NAV2: variants seen among roughly 807,000 people sequenced by gnomAD.
NAV2 encodes helicase, APC down-regulated 1.
Under a neutral mutation model 223.2 loss-of-function variants are expected in NAV2, and 54 were observed. That is an observed-to-expected ratio of 0.24 (90% confidence interval 0.19 to 0.30). The LOEUF is 0.30. Among genes scored for constraint, NAV2 ranks in the 10% least tolerant of loss-of-function variants. NAV2 has a pLI of 1.00. For synonymous variants in NAV2, 1,279 were observed against 1,239.3 expected (o/e 1.03, Z -0.67); for missense variants, 2,806 against 3,147.5 (o/e 0.89, Z 2.60).
At chr11:19,725,555 C>T (rs563414304) in intron 1 of NAV2, among the ~76,000 whole-genome samples, 9 of 152,214 alleles carry the variant, frequency 5.9e-5, no homozygotes, top group East Asian at 3.8e-4. Flanking sequence ...AAACTAGAGA[C>T]GGTCACCAGG....
At chr11:19,741,348 T>C (rs2052777112) in intron 1 of NAV2, among the ~76,000 whole-genome samples, 1 of 152,052 alleles carries the variant, frequency 6.6e-6, no homozygotes, top group East Asian at 1.9e-4. Context: ...TGCTGCACTT[T>C]AGATCTCTAG....
At chr11:19,557,583 G>A (rs181743753) in intron 1 of NAV2, among the ~76,000 whole-genome samples, 1 of 152,314 alleles carries the variant, frequency 6.6e-6, no homozygotes, top group East Asian at 1.9e-4. Flanking sequence ...GCTTAGGCAG[G>A]GACATTCTGT....
At chr11:19,542,052 T>G (rs1305213020) in intron 1 of NAV2, among the ~76,000 whole-genome samples, 1 of 152,152 alleles carries the variant, frequency 6.6e-6, no homozygotes, top group African/African-American at 2.4e-5. Context: ...GTTAGAGTCT[T>G]AGAGGTCGGC....
intron 11 of NAV2, among the ~76,000 whole-genome samples, chr11:20,022,152 C>T (rs1262536683): frequency 2.6e-5 from 4 of 152,220 alleles, no homozygotes; most frequent in Non-Finnish European, 5.9e-5. Flanking sequence ...ACATCTTAAT[C>T]CTTCGTTTTC....
At chr11:20,084,827 A>T (rs1467483347) in intron 26 of NAV2, among the ~76,000 whole-genome samples, 1 of 152,126 alleles carries the variant, frequency 6.6e-6, no homozygotes, top group African/African-American at 2.4e-5. Flanking sequence ...TTATTTATTG[A>T]TTTAAACTTT....
intron 1 of NAV2, among the ~76,000 whole-genome samples, chr11:19,799,170 C>T (rs2058084437): frequency 6.6e-6 from 1 of 152,142 alleles, no homozygotes; most frequent in Admixed American, 6.5e-5. Context: ...TGCCTTTTCC[C>T]GCTGATTGAT....
At chr11:19,774,321 A>G (rs746895876) in intron 1 of NAV2, among the ~76,000 whole-genome samples, 2 of 152,190 alleles carry the variant, frequency 1.3e-5, no homozygotes, top group Non-Finnish European at 2.9e-5. Flanking sequence ...GGACTAAGGC[A>G]TGCACAATCA....
intron 24 of NAV2, 68 bp downstream of exon 24, chr11:20,078,172 T>A: frequency 9.2e-7 from 1 of 1,083,520 alleles, no homozygotes; most frequent in Non-Finnish European, 1.4e-6. Flanking sequence ...CCTGACATCA[T>A]ATGATGCAAC....
intron 1 of NAV2, among the ~76,000 whole-genome samples, chr11:19,490,108 A>G (rs574001478): frequency 2.5e-4 from 38 of 152,340 alleles, no homozygotes; most frequent in African/African-American, 8.2e-4. Context: ...ATTGTCAAAT[A>G]CTTTATTGCC....
rs115365974 is a variant in NAV2, at chr11:20,015,849, G to T, written c.2769-20110G>T. Among the ~76,000 whole-genome samples the T allele has an allele frequency of 4.8e-3, 728 of 152,278 alleles. 3 individuals are homozygous for T. The highest frequency in any genetic ancestry group is 0.017 in the African/African-American group (703 of 41,554). On this transcript the variant is annotated intron_variant, in intron 11 of 37. Coordinates refer to ENST00000349880, the MANE Select transcript of NAV2 (RefSeq NM_145117.5). The stretch of plus-strand genomic sequence containing the variant: ...TATTAGAAGGAGCTGAAGGACTGTG[G>T]GATAACCTGTGAATGGCCCTGGCCC...
At chr11:19,697,589 A>C (rs943761904) in intron 1 of NAV2, among the ~76,000 whole-genome samples, 1 of 151,936 alleles carries the variant, frequency 6.6e-6, no homozygotes, top group Non-Finnish European at 1.5e-5. Flanking sequence ...TGCAGGTGGC[A>C]AAAGAAAAAC....
chr11:20,086,530 CT>C (rs1251347551), intron 26 of NAV2, among the ~76,000 whole-genome samples: 2 of 152,292 alleles, frequency 1.3e-5, no homozygotes, highest in South Asian at 2.1e-4. Context: ...ATGTTGCCCC[CT>C]GACACCTGAC....
At chr11:20,071,106 G>GGGGGGGGGGGCCCCC in intron 22 of NAV2, among the ~76,000 whole-genome samples, 1 of 128,462 alleles carries the variant, frequency 7.8e-6, no homozygotes, top group Admixed American at 8.5e-5. Flanking sequence ...CCCTCCCCTA[G>GGGGGGGGGGGCCCCC]CCCCCCACCC....
Position 19,450,114 on chromosome 11 carries a change from C to T in NAV2, c.75+99087C>T, listed in dbSNP as rs151214134. On this transcript the variant is annotated intron_variant, in intron 1 of 37. Coordinates refer to the NAV2 transcript ENST00000360655. ...TCTGGGACAACAGTGACAGCCTGAACAAGGAATTTGGAAATCCATGTACCA... is the reference window on the plus strand; with the variant it reads ...TCTGGGACAACAGTGACAGCCTGAATAAGGAATTTGGAAATCCATGTACCA... Among the ~76,000 whole-genome samples the T allele has an allele frequency of 3.3e-4, 50 of 152,306 alleles. 2 individuals carry two copies. Among genetic ancestry groups the T allele is most frequent in the African/African-American group, 1.2e-3 (48 of 41,570 alleles).
At chr11:19,568,691 G>T (rs145784639) in intron 1 of NAV2, among the ~76,000 whole-genome samples, 1 of 152,314 alleles carries the variant, frequency 6.6e-6, no homozygotes, top group East Asian at 1.9e-4. Context: ...AGGAAGGGGA[G>T]CAAAGATGGT....
At chr11:19,728,301 T>C (rs150323881) in intron 1 of NAV2, among the ~76,000 whole-genome samples, 10 of 152,290 alleles carry the variant, frequency 6.6e-5, no homozygotes, top group South Asian at 2.1e-4. Context: ...TGGGCGCATA[T>C]TCAGTGGTTC....
intron 1 of NAV2, among the ~76,000 whole-genome samples, chr11:19,656,269 G>A (rs1352452364): frequency 1.3e-5 from 2 of 152,212 alleles, no homozygotes; most frequent in Admixed American, 1.3e-4. Flanking sequence ...ATTCTCAACA[G>A]CAAAGGCCCA....
intron 21 of NAV2, 46 bp downstream of exon 21, chr11:20,068,255 A>G (rs1208305422): frequency 5.0e-6 from 8 of 1,611,862 alleles, no homozygotes; most frequent in Admixed American, 1.7e-5. Context: ...AGTATTGTCA[A>G]TTATTTGACC....
chr11:19,356,928 G>A (rs568529339), intron 1 of NAV2, among the ~76,000 whole-genome samples: 7 of 152,304 alleles, frequency 4.6e-5, no homozygotes, highest in South Asian at 4.1e-4. Context: ...CCTTAAAGCC[G>A]CTAGAAGTTG....
Sources: allele counts gnomAD v4.1 joint callset (sites outside exome capture counted in the v4.1 genomes callset), GRCh38; gene constraint gnomAD v4.1.1; transcripts MANE v1.5; gene names NCBI Gene and HGNC (gene_info 2026-07-23, HGNC 2026-07-21).